TMEM135: variants seen among roughly 807,000 people sequenced by gnomAD.
The protein encoded by TMEM135 is transmembrane protein 135, also known as peroxisomal membrane protein 52.
Under a neutral mutation model 60.3 loss-of-function variants are expected in TMEM135, and 30 were observed. The observed-to-expected ratio is 0.50, with a 90% CI of 0.37 to 0.68. TMEM135 has a LOEUF of 0.68. TMEM135 is among the 30% of genes least tolerant of loss of function. The pLI is 0.00. For synonymous variants in TMEM135, 190 were observed against 186.7 expected (o/e 1.02, Z -0.14); for missense variants, 468 against 548.8 (o/e 0.85, Z 1.47).
chr11:87,076,075 C>A (rs1856865637), intron 3 of TMEM135, among the ~76,000 whole-genome samples: 1 of 152,178 alleles, frequency 6.6e-6, no homozygotes, highest in Non-Finnish European at 1.5e-5. Flanking sequence ...AGCCCTAGGG[C>A]TCTATAATCA....
At chr11:87,270,247 C>T (rs1478473554) in intron 6 of TMEM135, among the ~76,000 whole-genome samples, 1 of 150,512 alleles carries the variant, frequency 6.6e-6, no homozygotes, top group African/African-American at 2.4e-5. Flanking sequence ...GGATATTAGC[C>T]CTTTGTCAGA....
chr11:87,062,260 T>C (rs1011680248), intron 1 of TMEM135, among the ~76,000 whole-genome samples: 2 of 152,042 alleles, frequency 1.3e-5, no homozygotes, highest in African/African-American at 2.4e-5. Context: ...CACCTCGGCC[T>C]CCCATAGTGC....
intron 6 of TMEM135, among the ~76,000 whole-genome samples, chr11:87,267,548 A>C (rs1316343311): frequency 6.6e-6 from 1 of 152,228 alleles, no homozygotes; most frequent in Admixed American, 6.5e-5. Flanking sequence ...AATAGTAAGC[A>C]TCAAATAGTT....
intron 10 of TMEM135, among the ~76,000 whole-genome samples, chr11:87,311,010 ATATTT>A (rs1411180284): frequency 1.3e-5 from 2 of 151,756 alleles, no homozygotes; most frequent in East Asian, 3.9e-4. Flanking sequence ...TTATAAATAT[ATATTT>A]TATTCATACT....
chr11:87,272,456 T>A (rs1016124384), intron 6 of TMEM135, among the ~76,000 whole-genome samples: 1 of 151,160 alleles, frequency 6.6e-6, no homozygotes, highest in East Asian at 1.9e-4. Context: ...CTTAAAAAAG[T>A]TTTTTTTTAA....
chr11:87,111,211 C>T (rs547835115), intron 4 of TMEM135, among the ~76,000 whole-genome samples: 45 of 152,098 alleles, frequency 3.0e-4, no homozygotes, highest in African/African-American at 1.1e-3. Flanking sequence ...TTGTTGATGG[C>T]CTATTTTTTT....
rs181420870 is a variant in TMEM135 at position 87,063,689 on chromosome 11, T to G, written c.142-4005T>G. Among the ~76,000 whole-genome samples the G allele has an allele frequency of 3.3e-5, 5 of 152,306 alleles. No individual in the cohort carries two copies. In the East Asian group the frequency reaches 9.6e-4, roughly 29 times the overall value. The stretch of plus-strand genomic sequence containing the variant: ...CTAACTAGACTACTGAGAGGATCAT[T>G]ATTTTAGCCACTTGTAAACCTTGGT... On this transcript the variant is annotated intron_variant, in intron 1 of 14. Transcript: ENST00000305494.
intron 5 of TMEM135, among the ~76,000 whole-genome samples, chr11:87,182,388 T>A (rs190645249): frequency 6.6e-6 from 1 of 152,134 alleles, no homozygotes; most frequent in African/African-American, 2.4e-5. Flanking sequence ...TTGAATATAA[T>A]CTGTAATAAT....
chr11:87,089,757 A>G (rs1193864090), intron 3 of TMEM135, among the ~76,000 whole-genome samples: 18 of 152,076 alleles, frequency 1.2e-4, no homozygotes, highest in Non-Finnish European at 5.9e-5. Context: ...TCTCAGTATA[A>G]CTTATTTAGA....
chr11:87,327,000 C>A lies in TMEM135; in HGVS notation c.*5667C>A. The A allele has an allele frequency of 2.2e-6, 1 of 449,444 alleles. No individual in the cohort carries two copies. The highest frequency in any genetic ancestry group is 4.4e-6 in the Non-Finnish European group (1 of 226,134). 27.8% of individuals were successfully genotyped at this position (449,444 alleles called of 1,614,324 possible). ...ATTGCAGTCATTGTTAATTGCTCAA[C>A]TAGTGGCAGTTTTTCCTTGCTGAGG... On this transcript the variant is annotated 3_prime_UTR_variant, in exon 15 of 15. Transcript: ENST00000305494.
chr11:87,202,735 A>AAC (rs934772984), intron 5 of TMEM135, among the ~76,000 whole-genome samples: 10 of 151,430 alleles, frequency 6.6e-5, no homozygotes, highest in Non-Finnish European at 1.3e-4. Context: ...GACTTTAAAA[A>AAC]AAAAAAAAAA....
At chr11:87,059,189 G>T (rs564404438) in intron 1 of TMEM135, among the ~76,000 whole-genome samples, 3 of 151,740 alleles carry the variant, frequency 2.0e-5, no homozygotes, top group Admixed American at 6.6e-5. Context: ...CACCTGCCTC[G>T]GCCTCCCAAA....
intron 2 of TMEM135, among the ~76,000 whole-genome samples, chr11:87,068,700 A>G (rs1856714342): frequency 6.6e-6 from 1 of 151,054 alleles, no homozygotes; most frequent in South Asian, 2.1e-4. Flanking sequence ...AGTCGCAGCT[A>G]CTCGGGAGGC....
rs1164603961 is a variant in TMEM135, at chr11:87,328,708, A to G, written c.*7375A>G. The G allele has an allele frequency of 1.5e-5, 7 of 453,976 alleles. No homozygotes were observed. Among genetic ancestry groups the G allele is most frequent in the South Asian group, 7.8e-5 (5 of 64,480 alleles). The allele number at this position is 453,976 out of a possible 1,614,324, so 28.1% of individuals were successfully genotyped here. On this transcript the variant is annotated 3_prime_UTR_variant, in exon 15 of 15. Transcript: ENST00000305494. ...ATTTTTTATGGCTGAGTAGTATTCC[A>G]TGGTGCATATATACCACATTTTCTT...
intron 5 of TMEM135, among the ~76,000 whole-genome samples, chr11:87,159,804 G>T (rs1938818196): frequency 6.6e-6 from 1 of 152,032 alleles, no homozygotes; most frequent in Admixed American, 6.6e-5. Context: ...GATTCTACTT[G>T]GATTGTGCTA....
chr11:87,321,274 C>G lies in TMEM135; in HGVS notation c.1318C>G (p.Pro440Ala). 1 of 1,613,554 alleles carries G rather than the reference C, an allele frequency of 6.2e-7. No homozygotes were observed. Among genetic ancestry groups the G allele is most frequent in the Non-Finnish European group, 8.5e-7 (1 of 1,179,678 alleles). The change falls in exon 15 of 15, where the codon CCC becomes GCC. Residue 440 changes from proline (P) to alanine (A), a missense_variant. Physicochemically the swap from Pro to Ala is conservative, Grantham distance 27. Transcript: ENST00000305494. ...ATCTAAACACTTTCAGGATTTCATC[C>G]CCAGGTTGGATCCAAGATACACAAC... ...GASKHFQDFI[P>A]RLDPRYTTVT...
Position 87,172,748 on chromosome 11 carries a change from A to G in TMEM135, c.462+15342A>G, listed in dbSNP as rs142132883. On this transcript the variant is annotated intron_variant, in intron 5 of 14. Coordinates refer to ENST00000305494, the MANE Select transcript of TMEM135 (RefSeq NM_022918.4). ...TTTCATTTAAGATAAGTATATCTTT[A>G]TGGATTTGTATGGATAATTATAAAT... is the stretch of plus-strand genomic sequence containing the variant. 2.8e-3 allele frequency among the ~76,000 whole-genome samples: 426 copies of G among 152,136 alleles called. 3 individuals are homozygous for G. Among genetic ancestry groups the G allele is most frequent in the African/African-American group, 9.8e-3 (408 of 41,546 alleles).
chr11:87,152,643 C>T (rs919281765), intron 4 of TMEM135, among the ~76,000 whole-genome samples: 5 of 151,570 alleles, frequency 3.3e-5, no homozygotes, highest in South Asian at 4.2e-4. Context: ...TTCGCCATGT[C>T]GGTCAGGCTG....
chr11:87,059,250 A>G (rs979336292), intron 1 of TMEM135, among the ~76,000 whole-genome samples: 17 of 151,638 alleles, frequency 1.1e-4, no homozygotes, highest in Non-Finnish European at 1.3e-4. Flanking sequence ...GAAAAAAAAT[A>G]CAGGAGGTCT....
Sources: allele counts gnomAD v4.1 joint callset (sites outside exome capture counted in the v4.1 genomes callset), GRCh38; gene constraint gnomAD v4.1.1; transcripts MANE v1.5; gene names NCBI Gene and HGNC (gene_info 2026-07-23, HGNC 2026-07-21).